Variants in SLC12A7 observed in about 807,000 individuals in gnomAD.
SLC12A7 encodes solute carrier family 12 member 7.
In SLC12A7, 100 loss-of-function variants were observed where a neutral mutation model predicts 120.6. That is an observed-to-expected ratio of 0.83 (90% CI 0.71 to 0.98). The LOEUF (loss-of-function observed/expected upper bound fraction) is 0.98, where lower values mean the gene tolerates loss of function less well. Among genes scored for constraint, SLC12A7 ranks in the 50% least tolerant of loss-of-function variants. The probability of loss-of-function intolerance (pLI) is 0.00; values close to 1 mark genes in which losing one functional copy is unlikely to be tolerated. For missense variants in SLC12A7, 1,373 were observed against 1,548.1 expected (o/e 0.89, Z 1.90); for synonymous variants, 760 against 678.0 (o/e 1.12, Z -1.88).
chr5:1,052,749 G>A (rs1354470696), intron 23 of SLC12A7, among the ~76,000 whole-genome samples: 3 of 152,162 alleles, frequency 2.0e-5, no homozygotes, highest in African/African-American at 7.2e-5. Flanking sequence ...CCCCAGCCAC[G>A]GGACTGGGTC....
At chr5:1,101,625 C>A (rs1742027594) in intron 1 of SLC12A7, among the ~76,000 whole-genome samples, 1 of 152,222 alleles carries the variant, frequency 6.6e-6, no homozygotes. Context: ...CTTATTTTTT[C>A]TACCTCTTCA....
chr5:1,106,751 AAG>A (rs1211161589), intron 1 of SLC12A7, among the ~76,000 whole-genome samples: 5 of 152,262 alleles, frequency 3.3e-5, no homozygotes, highest in Non-Finnish European at 5.9e-5. Context: ...AGCCACAGGC[AAG>A]AGTCAGGCTG....
chr5:1,076,893 C>T (rs1738411566), intron 12 of SLC12A7, 81 bp from the exon 13 acceptor site: 2 of 949,644 alleles, frequency 2.1e-6, no homozygotes, highest in Admixed American at 1.7e-5. Context: ...AGGTCTAGCC[C>T]AGATGAATCT....
chr5:1,109,229 C>T (rs1742801254), intron 1 of SLC12A7, among the ~76,000 whole-genome samples: 2 of 152,126 alleles, frequency 1.3e-5, no homozygotes, highest in African/African-American at 4.8e-5. Context: ...CCAGGGTCTC[C>T]GAGGCCTCTG....
chr5:1,069,135 G>A (rs1737366305), intron 17 of SLC12A7, among the ~76,000 whole-genome samples: 2 of 152,260 alleles, frequency 1.3e-5, no homozygotes, highest in South Asian at 4.1e-4. Flanking sequence ...TCAGGGAAAG[G>A]GAAGGCCCAG....
At chr5:1,143,922 C>T in the SLC12A7 span, among the ~76,000 whole-genome samples, 2 of 151,470 alleles carry the variant, frequency 1.3e-5, no homozygotes, top group African/African-American at 2.4e-5. Context: ...GGCACCCTGG[C>T]GCTGGGAAAC....
rs990753267 is a variant in SLC12A7 at position 1,074,799 on chromosome 5, G to C, written c.1968-128C>G. 8 of 859,330 alleles carry C rather than the reference G, an allele frequency of 9.3e-6. No individual in the cohort carries two copies. The East Asian group carries it at 1.1e-4, about 11-fold the overall frequency. 53.2% of individuals were successfully genotyped at this position (859,330 alleles called of 1,614,324 possible). A position where few individuals can be genotyped will look rare whatever the true frequency, so the allele number is the denominator to read the frequency against. On this transcript the variant is annotated intron_variant, in intron 15 of 23. Coordinates refer to ENST00000264930, the MANE Select transcript of SLC12A7 (RefSeq NM_006598.3). Reference sequence around the variant, plus strand: ...ACCCCCAGGAAAAGTCCCTGGATGAGGAGGGAGGCCTCCATGCCCACCCTT... The same window carrying C: ...ACCCCCAGGAAAAGTCCCTGGATGACGAGGGAGGCCTCCATGCCCACCCTT...
At chr5:1,075,687 C>T (rs913391148) in intron 14 of SLC12A7, among the ~76,000 whole-genome samples, 197 bp from the exon 15 acceptor site, 9 of 152,318 alleles carry the variant, frequency 5.9e-5, no homozygotes, top group Middle Eastern at 3.4e-3. Context: ...CCTGTGGGAG[C>T]TGTCACTCCA....
At chr5:1,064,456 T>C (rs1400794690) in intron 18 of SLC12A7, among the ~76,000 whole-genome samples, 1 of 152,096 alleles carries the variant, frequency 6.6e-6, no homozygotes, top group African/African-American at 2.4e-5. Context: ...GTCCAGGGAA[T>C]CCCCCAGCCC....
the SLC12A7 span, among the ~76,000 whole-genome samples, chr5:1,141,946 C>T: frequency 6.6e-6 from 1 of 152,206 alleles, no homozygotes; most frequent in African/African-American, 2.4e-5. Flanking sequence ...CATGTGGAGT[C>T]TGAAGTGCTC....
upstream of SLC12A7, among the ~76,000 whole-genome samples, chr5:1,112,861 G>C (rs961946301): frequency 1.0e-5 from 1 of 99,854 alleles, no homozygotes; most frequent in African/African-American, 2.9e-5. Flanking sequence ...ACCTAACCCA[G>C]TAGAGGGAGT....
chr5:1,111,522 G>A (rs1743008201), intron 1 of SLC12A7, among the ~76,000 whole-genome samples: 1 of 152,014 alleles, frequency 6.6e-6, no homozygotes, highest in Non-Finnish European at 1.5e-5. Context: ...GGTCTCCACC[G>A]CCACCCCTGT....
the SLC12A7 span, among the ~76,000 whole-genome samples, chr5:1,150,955 G>A: frequency 5.3e-5 from 8 of 152,358 alleles, no homozygotes; most frequent in African/African-American, 1.9e-4. Context: ...GAGGACATGG[G>A]ATTTTCCTGA....
intron 3 of SLC12A7, 64 bp downstream of exon 3, chr5:1,093,469 G>A (rs550346987): frequency 1.5e-5 from 21 of 1,447,316 alleles, no homozygotes; most frequent in Admixed American, 6.0e-5. Context: ...CCTTGCCGGC[G>A]TGATCTAACC....
intron 21 of SLC12A7, among the ~76,000 whole-genome samples, chr5:1,059,085 C>T (rs995394031): frequency 9.9e-5 from 15 of 152,236 alleles, no homozygotes; most frequent in Admixed American, 3.3e-4. Context: ...GACGCCAGGG[C>T]GACCCTGCCG....
chr5:1,073,802 C>A lies in SLC12A7; in HGVS notation c.2073-1G>T. The A allele has an allele frequency of 7.1e-7, 1 of 1,412,922 alleles. No homozygotes were observed. Among genetic ancestry groups the A allele is most frequent in the Non-Finnish European group, 9.3e-7 (1 of 1,075,548 alleles). The allele number at this position is 1,412,922 out of a possible 1,614,324, so 87.5% of individuals were successfully genotyped here. ...GTTCAGCATCACCAGCACCTGGGGC[C>A]TGCAGCCAGGGTGGGGCGGCTGTTA... is the stretch of plus-strand genomic sequence containing the variant. On this transcript the variant is annotated splice_acceptor_variant, in intron 16 of 23. Transcript: ENST00000264930. LOFTEE classifies it high-confidence loss of function.
At chr5:1,064,287 A>T (rs1351932503) in intron 18 of SLC12A7, 35 bp from the exon 19 acceptor site, 1 of 1,590,924 alleles carries the variant, frequency 6.3e-7, no homozygotes, top group African/African-American at 1.3e-5. Context: ...AGGTCATCTG[A>T]GGCCAGGGTG....
intron 4 of SLC12A7, 75 bp from the exon 5 acceptor site, chr5:1,088,435 G>A: frequency 6.8e-7 from 1 of 1,475,628 alleles, no homozygotes; most frequent in Non-Finnish European, 9.3e-7. Context: ...CCAAGTCAGG[G>A]TCTATGACCC....
intron 7 of SLC12A7, among the ~76,000 whole-genome samples, 158 bp from the exon 8 acceptor site, chr5:1,084,114 C>T (rs927399953): frequency 3.4e-4 from 51 of 152,232 alleles, no homozygotes; most frequent in African/African-American, 8.9e-4. Flanking sequence ...CGCCAGGGAC[C>T]GGGCCCAGGC....
Sources: allele counts gnomAD v4.1 joint callset (sites outside exome capture counted in the v4.1 genomes callset), GRCh38; gene constraint gnomAD v4.1.1; transcripts MANE v1.5; gene names NCBI Gene and HGNC (gene_info 2026-07-23, HGNC 2026-07-21).